The following ATP9B variants were observed in gnomAD, a reference collection of about 807,000 sequenced individuals.
The protein encoded by ATP9B is ATPase phospholipid transporting 9B.
ATP9B carries 110 observed loss-of-function variants against 146.1 expected under a neutral mutation model. That is an observed-to-expected ratio of 0.75 (90% CI 0.65 to 0.88). The LOEUF is 0.88. Among genes scored for constraint, ATP9B ranks in the 40% least tolerant of loss-of-function variants. The pLI, the probability that ATP9B is intolerant of heterozygous loss-of-function variation, is 0.00. For missense variants in ATP9B, 1,499 were observed against 1,496.4 expected (o/e 1.00, Z -0.03); for synonymous variants, 604 against 569.7 (o/e 1.06, Z -0.86).
intron 4 of ATP9B, among the ~76,000 whole-genome samples, chr18:79,125,242 G>T (rs527757497): frequency 6.6e-6 from 1 of 152,254 alleles, no homozygotes; most frequent in African/African-American, 2.4e-5. Flanking sequence ...ATGATTAGGG[G>T]GAGAGCACAC....
At chr18:79,285,587 A>G (rs2145955474) in intron 13 of ATP9B, among the ~76,000 whole-genome samples, 1 of 152,022 alleles carries the variant, frequency 6.6e-6, no homozygotes, top group South Asian at 2.1e-4. Flanking sequence ...CTCTGATGGT[A>G]GTTTCTTTTG....
intron 29 of ATP9B, chr18:79,375,976 A>G: frequency 1.0e-6 from 1 of 985,370 alleles, no homozygotes; most frequent in Non-Finnish European, 1.2e-6. Flanking sequence ...GCTAGTCATT[A>G]GCAGTACAGC....
At chr18:79,293,545 A>G (rs1003513544) in intron 13 of ATP9B, among the ~76,000 whole-genome samples, 1 of 152,210 alleles carries the variant, frequency 6.6e-6, no homozygotes, top group East Asian at 1.9e-4. Flanking sequence ...GCAGTGCCTC[A>G]GGACTCTGCA....
intron 1 of ATP9B, among the ~76,000 whole-genome samples, chr18:79,092,814 A>G (rs1173446263): frequency 6.6e-6 from 1 of 152,050 alleles, no homozygotes; most frequent in East Asian, 1.9e-4. Context: ...TTCTGCTGGG[A>G]TACCTCCTGA....
intron 2 of ATP9B, among the ~76,000 whole-genome samples, chr18:79,103,969 T>C (rs1477592867): frequency 6.6e-6 from 1 of 152,154 alleles, no homozygotes; most frequent in Non-Finnish European, 1.5e-5. Context: ...AGATGGGTGT[T>C]CTCACCACTA....
At chr18:79,371,988 T>A (rs2097073868) in intron 26 of ATP9B, among the ~76,000 whole-genome samples, 1 of 152,222 alleles carries the variant, frequency 6.6e-6, no homozygotes. Flanking sequence ...TCTGTGTAAC[T>A]GAGAAAATAG....
In ATP9B at chr18:79,271,395, C is replaced by A. The variant is rs867334272; in HGVS notation, c.1269-5659C>A. On this transcript the variant is annotated intron_variant, in intron 12 of 29. Coordinates refer to ENST00000426216, the MANE Select transcript of ATP9B (RefSeq NM_198531.5). The stretch of plus-strand genomic sequence containing the variant: ...AATGCTATCCCTCCCCCAGGCCCCC[C>A]ACCCCACAACAGGCCCCGGTGTGTG... Among the ~76,000 whole-genome samples the A allele has an allele frequency of 6.6e-3, 986 of 148,936 alleles. 15 individuals are homozygous for A. Among genetic ancestry groups the A allele is most frequent in the African/African-American group, 0.023 (921 of 40,334 alleles).
chr18:79,363,406 A>ATTGAGACACGTAAACAG (rs1358954350), intron 26 of ATP9B: 1 of 152,238 alleles, frequency 6.6e-6, no homozygotes, highest in East Asian at 1.9e-4. Flanking sequence ...ATGTTCCTGG[A>ATTGAGACACGTAAACAG]ATGGGAGGCA....
chr18:79,101,171 G>A (rs1476274690), intron 2 of ATP9B, among the ~76,000 whole-genome samples: 1 of 152,034 alleles, frequency 6.6e-6, no homozygotes, highest in African/African-American at 2.4e-5. Flanking sequence ...CAGCCAAGAT[G>A]CAGAACCATT....
intron 25 of ATP9B, among the ~76,000 whole-genome samples, chr18:79,355,491 A>T (rs929968596): frequency 6.6e-6 from 1 of 152,222 alleles, no homozygotes; most frequent in Non-Finnish European, 1.5e-5. Context: ...TCAGCAGCAA[A>T]ATAGAAGGGA....
intron 8 of ATP9B, among the ~76,000 whole-genome samples, chr18:79,178,093 A>G (rs1219897144): frequency 6.6e-6 from 1 of 152,152 alleles, no homozygotes; most frequent in East Asian, 1.9e-4. Context: ...CCAGGCAGCT[A>G]TTAAATAGTG....
chr18:79,226,822 G>A (rs2095739705), intron 11 of ATP9B, among the ~76,000 whole-genome samples: 1 of 152,206 alleles, frequency 6.6e-6, no homozygotes, highest in African/African-American at 2.4e-5. Context: ...GTAGCGTAGA[G>A]ACTGTAGCAG....
Position 79,327,631 on chromosome 18 carries a change from GCC to G in ATP9B, c.1774-1508_1774-1507del, listed in dbSNP as rs1491397479. On this transcript the variant is annotated intron_variant, in intron 15 of 29. Coordinates refer to ENST00000426216, the MANE Select transcript of ATP9B (RefSeq NM_198531.5). ...TTAGCGTGCCCTCCCTGGTTAGTGT[GCC>G]CTCCCTGGTTAGCATGCTCTCCGTG... 5.6e-5 allele frequency among the ~76,000 whole-genome samples: 8 copies of G among 142,818 alleles called. 1 individual carries two copies. The highest frequency in any genetic ancestry group is 2.2e-4 in the African/African-American group (8 of 37,184). The allele number at this position is 142,818 out of a possible 152,430, so 93.7% of individuals were successfully genotyped here. A position where few individuals can be genotyped will look rare whatever the true frequency, so the allele number is the denominator to read the frequency against.
At chr18:79,138,445 T>C (rs1271975366) in intron 5 of ATP9B, among the ~76,000 whole-genome samples, 1 of 152,100 alleles carries the variant, frequency 6.6e-6, no homozygotes, top group Non-Finnish European at 1.5e-5. Flanking sequence ...TCACGAAATG[T>C]TTATTGTGTA....
At chr18:79,217,837 C>G (rs1040269178) in intron 11 of ATP9B, among the ~76,000 whole-genome samples, 1 of 152,172 alleles carries the variant, frequency 6.6e-6, no homozygotes, top group Non-Finnish European at 1.5e-5. Flanking sequence ...GCAAACAAAA[C>G]GGTAAACATG....
intron 11 of ATP9B, among the ~76,000 whole-genome samples, chr18:79,215,147 C>CA (rs11444921): frequency 0.44 from 50,813 of 115,580 alleles, 10,437 homozygotes; most frequent in East Asian, 0.54. Context: ...GATTCTGTCT[C>CA]AAAAAAAAAA....
intron 12 of ATP9B, chr18:79,254,181 ATGATGGATAAAG>A: frequency 6.6e-6 from 1 of 152,408 alleles, no homozygotes; most frequent in Non-Finnish European, 1.5e-5. Context: ...CTGAAACCTA[ATGATGGATAAAG>A]TATGAATCTA....
At chr18:79,296,115 A>G (rs912211202) in intron 13 of ATP9B, among the ~76,000 whole-genome samples, 1 of 152,210 alleles carries the variant, frequency 6.6e-6, no homozygotes, top group Non-Finnish European at 1.5e-5. Flanking sequence ...TCCTGAGCGC[A>G]GTCCATCTTC....
intron 13 of ATP9B, among the ~76,000 whole-genome samples, chr18:79,284,481 C>G (rs1427513938): frequency 6.6e-6 from 1 of 152,178 alleles, no homozygotes; most frequent in East Asian, 1.9e-4. Context: ...TTTGACTTCA[C>G]TTTAAACAGT....
Sources: gnomAD v4.1 joint callset for allele counts (sites outside exome capture counted in the v4.1 genomes callset) on GRCh38, gnomAD v4.1.1 for gene constraint, MANE v1.5 for transcripts, NCBI Gene and HGNC (gene_info 2026-07-23, HGNC 2026-07-21) for gene names.